Variants in ETV5 observed in about 807,000 individuals in gnomAD.
ETV5 encodes the protein ETS variant transcription factor 5.
In ETV5, 10 loss-of-function variants were observed where a neutral mutation model predicts 70.0. That is an observed-to-expected ratio of 0.14 (90% CI 0.09 to 0.24). The LOEUF (loss-of-function observed/expected upper bound fraction) is 0.24, where lower values mean the gene tolerates loss of function less well. Among genes scored for constraint, ETV5 ranks in the 10% least tolerant of loss-of-function variants. The pLI is 1.00. For missense variants in ETV5, 453 were observed against 651.2 expected, an observed-to-expected ratio of 0.70 and a Z score of 3.31; for synonymous variants, 216 against 242.2, an observed-to-expected ratio of 0.89 and a Z score of 1.01.
At chr3:186,068,246 C>T (rs941216556) in intron 7 of ETV5, among the ~76,000 whole-genome samples, 19 of 152,120 alleles carry the variant, frequency 1.2e-4, no homozygotes, top group Admixed American at 7.2e-4. Context: ...TTAGAAATTA[C>T]ATAATATGTA....
At chr3:186,060,351 G>A (rs542248438) in intron 9 of ETV5, among the ~76,000 whole-genome samples, 2 of 152,176 alleles carry the variant, frequency 1.3e-5, no homozygotes, top group Non-Finnish European at 2.9e-5. Flanking sequence ...GCCACATGTG[G>A]TCCTCTACAC....
At chr3:186,106,098 G>A (rs1320946481) in intron 1 of ETV5, among the ~76,000 whole-genome samples, 156 bp from the exon 2 acceptor site, 1 of 152,032 alleles carries the variant, frequency 6.6e-6, no homozygotes, top group Non-Finnish European at 1.5e-5. Context: ...CACCAATGCC[G>A]GGCTTGATTA....
chr3:186,061,970 G>A (rs936320242), intron 9 of ETV5, among the ~76,000 whole-genome samples: 5 of 152,064 alleles, frequency 3.3e-5, no homozygotes, highest in South Asian at 2.1e-4. Flanking sequence ...CACAAAAACC[G>A]GCAGCAGATG....
At chr3:186,099,695 T>C (rs976683623) in intron 5 of ETV5, among the ~76,000 whole-genome samples, 1 of 152,066 alleles carries the variant, frequency 6.6e-6, no homozygotes, top group South Asian at 2.1e-4. Context: ...TGGGAGACAG[T>C]ACACATTTTC....
Position 186,068,451 on chromosome 3 carries a change from C to T in ETV5, c.651-2379G>A, listed in dbSNP as rs564352386. On this transcript the variant is annotated intron_variant, in intron 7 of 12. Coordinates refer to ENST00000306376, the MANE Select transcript of ETV5 (RefSeq NM_004454.3). ...TTTTAGGTGATTTTCTTTTTTTGCT[C>T]ATCTATAGTTTGATAATAAATATGC... is the stretch of plus-strand genomic sequence containing the variant. Among the ~76,000 whole-genome samples the T allele has an allele frequency of 2.0e-5, 3 of 152,056 alleles. No homozygotes were observed. In the East Asian group the frequency reaches 5.8e-4, roughly 30 times the overall value.
chr3:186,078,324 A>G, intron 7 of ETV5: 1 of 411,382 alleles, frequency 2.4e-6, no homozygotes. Context: ...TACTGAATAT[A>G]TACTCGACCC....
At chr3:186,103,873 A>G (rs1436517543) in intron 5 of ETV5, among the ~76,000 whole-genome samples, 2 of 152,212 alleles carry the variant, frequency 1.3e-5, no homozygotes, top group African/African-American at 4.8e-5. Context: ...CATGAGGCCT[A>G]TCATTAAGGA....
rs772538831 is a variant in ETV5, at chr3:186,064,468, T to C, written c.919A>G (p.Asn307Asp). 11 of 1,614,022 alleles carry C rather than the reference T, an allele frequency of 6.8e-6. No individual in the cohort carries two copies. Among genetic ancestry groups the C allele is most frequent in the Non-Finnish European group, 9.3e-6 (11 of 1,180,026 alleles). ...RDYCVDSEVPNCQSSYMRGGY... is the reference protein window; with the variant it reads ...RDYCVDSEVPDCQSSYMRGGY... The stretch of plus-strand genomic sequence containing the variant: ...CCTCTCATGTAGGATGACTGGCAGT[T>C]AGGCACTTCTGAAAGGAAAGCAAAG... Residue 307 changes from asparagine (N) to aspartate (D), a missense_variant, in exon 9 of 13, where the codon AAC becomes GAC. By Grantham distance (23) the Asn-to-Asp change is conservative (BLOSUM62 1). This residue lies in a region of ETV5 where 307 missense variants were observed against 344.9 expected (regional missense o/e 0.89). Coordinates refer to ENST00000306376, the MANE Select transcript of ETV5 (RefSeq NM_004454.3).
chr3:186,071,366 A>G (rs913522008), intron 7 of ETV5, among the ~76,000 whole-genome samples: 10 of 152,210 alleles, frequency 6.6e-5, no homozygotes, highest in Non-Finnish European at 4.4e-5. Flanking sequence ...GAAGACGGAA[A>G]ATCGAGAAGC....
intron 11 of ETV5, among the ~76,000 whole-genome samples, chr3:186,056,065 G>A (rs980865189): frequency 1.3e-5 from 2 of 152,086 alleles, no homozygotes; most frequent in African/African-American, 4.8e-5. Context: ...TTTAGAATAT[G>A]CTATACTGAG....
chr3:186,069,494 C>T (rs887179937), intron 7 of ETV5, among the ~76,000 whole-genome samples: 5 of 146,420 alleles, frequency 3.4e-5, no homozygotes, highest in South Asian at 2.2e-4. Context: ...AAAAGAGAGA[C>T]GAAGTTGTTT....
chr3:186,057,345 G>A lies in ETV5; in HGVS notation c.1039+78C>T. ...TCATGCTGATTTAATCACTGGACTT[G>A]GGAAGAGAGTCATGGCTGAGGTGTT... On this transcript the variant is annotated intron_variant, in intron 10 of 12. Transcript: ENST00000306376. This position sits in a 1 kb window ranked among gnomAD's most constrained non-coding sequence, Gnocchi z 4.9. The A allele has an allele frequency of 1.2e-6, 2 of 1,604,390 alleles. No homozygotes were observed. The highest frequency in any genetic ancestry group is 2.2e-5 in the East Asian group (1 of 44,792).
chr3:186,105,956 T>C lies in ETV5; in HGVS notation c.-74-14A>G, dbSNP rs745514700. The C allele has an allele frequency of 6.0e-5, 92 of 1,530,088 alleles. No homozygotes were observed. Among genetic ancestry groups the C allele is most frequent in the Non-Finnish European group, 5.8e-5 (65 of 1,123,310 alleles). The allele number at this position is 1,530,088 out of a possible 1,614,324, so 94.8% of individuals were successfully genotyped here. On this transcript the variant is annotated splice_polypyrimidine_tract_variant and intron_variant, in intron 1 of 12. Transcript: ENST00000306376. This position sits in a 1 kb window ranked among gnomAD's most constrained non-coding sequence, Gnocchi z 4.5. ...AAAGGGATCCTCCTGTAATATGAAT[T>C]TGGGAGATTTTAACTAAGAGGGGGG... is the stretch of plus-strand genomic sequence containing the variant.
chr3:186,103,380 T>C (rs1055776840), intron 5 of ETV5, among the ~76,000 whole-genome samples: 39 of 152,192 alleles, frequency 2.6e-4, no homozygotes, highest in African/African-American at 9.4e-4. Context: ...ACAAAGAACA[T>C]ACCCTTGCTT....
rs1456211658 is a variant in ETV5 at position 186,057,069 on chromosome 3, G to GCATA, written c.1209+2_1209+5dup. The GCATA allele has an allele frequency of 1.2e-6, 2 of 1,613,952 alleles. No homozygotes were observed. Among genetic ancestry groups the GCATA allele is most frequent in the Non-Finnish European group, 8.5e-7 (1 of 1,179,872 alleles). ...AACCCGTCTGAGTCCAGCATCCAGTGCATACCTCTTCCGGTTCTATCAGCT... is the reference window on the plus strand; with the variant it reads ...AACCCGTCTGAGTCCAGCATCCAGTGCATACATACCTCTTCCGGTTCTATCAGCT... On this transcript the variant is annotated splice_donor_region_variant and intron_variant, in intron 11 of 12. Transcript: ENST00000306376. The surrounding 1 kb of genome is among the most constrained non-coding windows in gnomAD (Gnocchi z 4.9).
intron 11 of ETV5, among the ~76,000 whole-genome samples, chr3:186,056,403 A>ATTAT (rs1451026490): frequency 2.0e-5 from 3 of 151,906 alleles, no homozygotes; most frequent in Non-Finnish European, 4.4e-5. Flanking sequence ...CTAATTTTTT[A>ATTAT]TTATTTTTAT....
Position 186,086,805 on chromosome 3 carries a change from A to C in ETV5, c.233-5630T>G, listed in dbSNP as rs1391814185. On this transcript the variant is annotated intron_variant, in intron 5 of 12. Coordinates refer to ENST00000306376, the MANE Select transcript of ETV5 (RefSeq NM_004454.3). Reference sequence around the variant, plus strand: ...ATTCCTGTCTCTACAAAAAGATACGAAAAAAAAAAAAAAAAATTCAGCCAG... The same window carrying C: ...ATTCCTGTCTCTACAAAAAGATACGCAAAAAAAAAAAAAAAATTCAGCCAG... Among the ~76,000 whole-genome samples, 10 of 84,632 alleles carry C rather than the reference A, an allele frequency of 1.2e-4. No homozygotes were observed. In the Admixed American group the frequency reaches 1.4e-3, roughly 12 times the overall value. The allele number at this position is 84,632 out of a possible 152,430, so 55.5% of individuals were successfully genotyped here. A position where few individuals can be genotyped will look rare whatever the true frequency, so the allele number is the denominator to read the frequency against.
At chr3:186,064,620 G>A (rs1713391763) in intron 8 of ETV5, 144 bp from the exon 9 acceptor site, 1 of 761,748 alleles carries the variant, frequency 1.3e-6, no homozygotes, top group Non-Finnish European at 2.3e-6. Flanking sequence ...TGGGAAAGAG[G>A]TGCCACACCA....
intron 5 of ETV5, among the ~76,000 whole-genome samples, chr3:186,096,271 G>A (rs1001626615): frequency 1.3e-5 from 2 of 152,156 alleles, no homozygotes; most frequent in African/African-American, 4.8e-5. Context: ...AAATTCAGAT[G>A]AGGAAACTAG....
Sources: gnomAD v4.1 joint callset for allele counts (sites outside exome capture counted in the v4.1 genomes callset) on GRCh38, gnomAD v4.1.1 for gene constraint, gnomAD v4.1.1 regional missense constraint, Gnocchi (gnomAD v3.1) non-coding constraint, MANE v1.5 for transcripts, NCBI Gene and HGNC (gene_info 2026-07-23, HGNC 2026-07-21) for gene names.